CA8: variants seen among roughly 807,000 people sequenced by gnomAD.
The protein encoded by CA8 is carbonic anhydrase 8 (inactive), also known as carbonic anhydrase-related protein.
CA8 carries 22 observed loss-of-function variants against 41.4 expected under a neutral mutation model. The ratio of observed to expected loss-of-function variants is 0.53; its 90% CI spans 0.38 to 0.76. The LOEUF (loss-of-function observed/expected upper bound fraction) is 0.76, where lower values mean the gene tolerates loss of function less well. Among genes scored for constraint, CA8 ranks in the 30% least tolerant of loss-of-function variants. CA8 has a pLI of 0.00. For synonymous variants in CA8, 121 were observed against 130.6 expected (o/e 0.93, Z 0.50); for missense variants, 270 against 352.8 (o/e 0.77, Z 1.88).
At chr8:60,215,789 C>T (rs979824512) in intron 7 of CA8, among the ~76,000 whole-genome samples, 2 of 152,072 alleles carry the variant, frequency 1.3e-5, no homozygotes, top group African/African-American at 4.8e-5. Flanking sequence ...TAACAGTCCA[C>T]ACTACACTTC....
intron 7 of CA8, 114 bp from the exon 8 acceptor site, chr8:60,209,033 A>C: frequency 9.4e-6 from 11 of 1,172,786 alleles, no homozygotes; most frequent in Non-Finnish European, 1.3e-5. Context: ...TATTGAAGAG[A>C]AAATTAAAAT....
chr8:60,275,254 C>T (rs912990216), intron 2 of CA8, among the ~76,000 whole-genome samples: 2 of 152,196 alleles, frequency 1.3e-5, no homozygotes, highest in African/African-American at 2.4e-5. Flanking sequence ...AGCTTCTGAT[C>T]TGCTTCCTAG....
At chr8:60,242,187 T>C (rs761865918) in intron 3 of CA8, among the ~76,000 whole-genome samples, 7 of 152,202 alleles carry the variant, frequency 4.6e-5, no homozygotes, top group Non-Finnish European at 1.0e-4. Context: ...AATCGAAATG[T>C]TAAAGGATGC....
At chr8:60,219,424 G>A (rs1265719786) in intron 7 of CA8, among the ~76,000 whole-genome samples, 1 of 152,134 alleles carries the variant, frequency 6.6e-6, no homozygotes, top group Non-Finnish European at 1.5e-5. Flanking sequence ...CCAAAGTGCT[G>A]GGATTACAGG....
chr8:60,209,497 A>G (rs960261945), intron 7 of CA8, among the ~76,000 whole-genome samples: 5 of 152,234 alleles, frequency 3.3e-5, no homozygotes, highest in Admixed American at 2.6e-4. Flanking sequence ...AAAAACAATG[A>G]TACAAACCTC....
intron 7 of CA8, among the ~76,000 whole-genome samples, chr8:60,216,720 T>C (rs1165081182): frequency 1.3e-5 from 2 of 152,164 alleles, no homozygotes; most frequent in African/African-American, 4.8e-5. Context: ...TAGTAAAATA[T>C]TGTATCATAT....
At chr8:60,262,830 G>A (rs1033974528) in intron 3 of CA8, among the ~76,000 whole-genome samples, 2 of 152,228 alleles carry the variant, frequency 1.3e-5, no homozygotes, top group East Asian at 3.8e-4. Flanking sequence ...GTGGAAAGAT[G>A]TGTGTTTCTG....
intron 4 of CA8, 125 bp from the exon 5 acceptor site, chr8:60,227,060 G>A: frequency 2.7e-6 from 2 of 731,416 alleles, no homozygotes; most frequent in Non-Finnish European, 5.0e-6. Flanking sequence ...GGGAGGCCGA[G>A]TTGGGTGGAT....
chr8:60,235,446 T>C (rs1807796612), intron 3 of CA8, among the ~76,000 whole-genome samples: 1 of 152,194 alleles, frequency 6.6e-6, no homozygotes, highest in African/African-American at 2.4e-5. Context: ...CACTTCAACA[T>C]GAATTTGGCA....
chr8:60,279,698 A>T lies in CA8; in HGVS notation c.283T>A (p.Ser95Thr), dbSNP rs1246200426. ...DGHTIQVILK[S>T]KSVLSGGPLP... is the part of the protein sequence containing the mutation. ...ATATTTTCTAAAATACCTGATTTTG[A>T]CTTCAGGATAACCTGAATGGTATGT... Residue 95 changes from serine (S) to threonine (T), a missense_variant, in exon 2 of 9, where the codon TCA becomes ACA. Ser to Thr is a moderately conservative substitution (Grantham distance 58, BLOSUM62 1). This residue lies in a region of CA8 where 123 missense variants were observed against 136.8 expected (regional missense o/e 0.90). Transcript: ENST00000317995. The T allele has an allele frequency of 1.8e-5, 29 of 1,613,410 alleles. No homozygotes were observed. The highest frequency in any genetic ancestry group is 2.5e-5 in the Non-Finnish European group (29 of 1,179,412).
At chr8:60,280,092 T>G (rs1425264408) in intron 1 of CA8, among the ~76,000 whole-genome samples, 1 of 152,198 alleles carries the variant, frequency 6.6e-6, no homozygotes, top group Non-Finnish European at 1.5e-5. Context: ...AATCCCGGAC[T>G]AGCAAAATAT....
At chr8:60,226,474 A>G (rs73243994) in intron 5 of CA8, among the ~76,000 whole-genome samples, 2,503 of 152,256 alleles carry the variant, frequency 0.016, 79 homozygotes, top group African/African-American at 0.057. Context: ...GCTGCTAGAG[A>G]GTGAGTAGCT....
chr8:60,223,455 G>T (rs897707299), intron 6 of CA8, among the ~76,000 whole-genome samples: 2 of 152,152 alleles, frequency 1.3e-5, no homozygotes, highest in African/African-American at 4.8e-5. Context: ...ACCACAGCCA[G>T]CAATTATTTC....
chr8:60,270,682 C>T (rs778593541), intron 2 of CA8, among the ~76,000 whole-genome samples: 3 of 152,174 alleles, frequency 2.0e-5, no homozygotes, highest in Non-Finnish European at 2.9e-5. Flanking sequence ...TCCCAAAGTG[C>T]GTAGATTACA....
intron 2 of CA8, among the ~76,000 whole-genome samples, chr8:60,271,979 G>T (rs1424303998): frequency 6.6e-6 from 1 of 152,144 alleles, no homozygotes; most frequent in Non-Finnish European, 1.5e-5. Flanking sequence ...AATTCTCCAT[G>T]CTCTAGGAGA....
chr8:60,261,767 A>G (rs1803740983), intron 3 of CA8, among the ~76,000 whole-genome samples: 1 of 152,152 alleles, frequency 6.6e-6, no homozygotes, highest in South Asian at 2.1e-4. Flanking sequence ...GCTGGAGTGC[A>G]GTGGCGTGAT....
intron 2 of CA8, among the ~76,000 whole-genome samples, chr8:60,270,854 A>G (rs776537365): frequency 6.6e-6 from 1 of 152,154 alleles, no homozygotes; most frequent in Non-Finnish European, 1.5e-5. Flanking sequence ...TTAAAAGCAA[A>G]AATTTTTCAA....
intron 3 of CA8, among the ~76,000 whole-genome samples, chr8:60,239,019 A>G (rs921317281): frequency 5.3e-5 from 8 of 152,176 alleles, no homozygotes; most frequent in Non-Finnish European, 1.0e-4. Context: ...AACAGACAGG[A>G]AGAAAAAGGA....
chr8:60,190,938 CTATA>C lies in CA8; in HGVS notation c.*36-957_*36-954del, dbSNP rs35486936. On this transcript the variant is annotated intron_variant, in intron 8 of 8. Coordinates refer to ENST00000317995, the MANE Select transcript of CA8 (RefSeq NM_004056.6). Reference sequence around the variant, plus strand: ...GTGGACACACCTGCACACACACACACTATATATATATATATATATACACACACAC... The same window carrying C: ...GTGGACACACCTGCACACACACACACTATATATATATATATACACACACAC... 1.0e-3 allele frequency among the ~76,000 whole-genome samples: 120 copies of C among 117,198 alleles called. 1 individual carries two copies. Among genetic ancestry groups the C allele is most frequent in the South Asian group, 1.4e-3 (5 of 3,614 alleles). 76.9% of individuals were successfully genotyped at this position (117,198 alleles called of 152,430 possible). A position where few individuals can be genotyped will look rare whatever the true frequency, so the allele number is the denominator to read the frequency against.
Sources: gnomAD v4.1 joint callset for allele counts (sites outside exome capture counted in the v4.1 genomes callset) on GRCh38, gnomAD v4.1.1 for gene constraint, gnomAD v4.1.1 regional missense constraint, MANE v1.5 for transcripts, NCBI Gene and HGNC (gene_info 2026-07-23, HGNC 2026-07-21) for gene names.